The following ERMN variants were observed in gnomAD, a reference collection of about 807,000 sequenced individuals.
ERMN encodes ermin, also known as ermin, ERM-like protein.
Under a neutral mutation model 21.4 loss-of-function variants are expected in ERMN, and 17 were observed. That is an observed-to-expected ratio of 0.80 (90% confidence interval 0.54 to 1.19). The LOEUF is 1.19. ERMN is among the 50% of genes most tolerant of loss of function. The pLI is 0.00. For missense variants in ERMN, 348 were observed against 331.6 expected (o/e 1.05, Z -0.38); for synonymous variants, 115 against 111.9 (o/e 1.03, Z -0.17).
At position 157,324,537 on chromosome 2, in the gene ERMN, C is replaced by T. The variant is rs1206427529; in HGVS notation, c.334+133G>A. On this transcript the variant is annotated intron_variant, in intron 2 of 2. Transcript: ENST00000410096. The stretch of plus-strand genomic sequence containing the variant: ...AAGTTAAGACTCTCTTATCTGCCTA[C>T]AGCAGCTTTGAAAATTTGAAGTCAT... 46 of 695,190 alleles carry T rather than the reference C, an allele frequency of 6.6e-5. No individual in the cohort carries two copies. In the South Asian group the frequency reaches 7.4e-4, roughly 11 times the overall value. The allele number at this position is 695,190 out of a possible 1,614,324, so 43.1% of individuals were successfully genotyped here. A position where few individuals can be genotyped will look rare whatever the true frequency, so the allele number is the denominator to read the frequency against.
At chr2:157,321,930 A>C (rs375437490) in intron 2 of ERMN, 139 bp from the exon 3 acceptor site, 1 of 774,944 alleles carries the variant, frequency 1.3e-6, no homozygotes, top group African/African-American at 1.7e-5. Flanking sequence ...GTGGGTTACC[A>C]ATATGTTTTG....
chr2:157,322,745 T>G (rs1683944946), intron 2 of ERMN, among the ~76,000 whole-genome samples: 1 of 152,234 alleles, frequency 6.6e-6, no homozygotes, highest in Admixed American at 6.5e-5. Context: ...GAGATAGAAG[T>G]AAAGATGGGT....
chr2:157,326,523 C>G (rs1360332176), upstream of ERMN, among the ~76,000 whole-genome samples: 1 of 152,208 alleles, frequency 6.6e-6, no homozygotes, highest in Non-Finnish European at 1.5e-5. Context: ...GAATTACAAT[C>G]CTTTCTATTC....
chr2:157,324,100 AC>A, intron 2 of ERMN: 1 of 201,944 alleles, frequency 5.0e-6, no homozygotes, highest in South Asian at 5.7e-5. Context: ...AAATACACAC[AC>A]ACACACACAC....
chr2:157,327,238 T>A, upstream of ERMN: 1 of 453,980 alleles, frequency 2.2e-6, no homozygotes. Context: ...GCTGAGCCCA[T>A]TCAGGTCTAT....
chr2:157,325,289 AAAGGGCT>A (rs1426802200), intron 1 of ERMN, 106 bp downstream of exon 1: 2 of 1,380,190 alleles, frequency 1.4e-6, no homozygotes, highest in Non-Finnish European at 2.0e-6. Flanking sequence ...GTAGTAGAAT[AAAGGGCT>A]ACATTTTTGG....
At chr2:157,322,268 AC>A (rs1324111314) in intron 2 of ERMN, among the ~76,000 whole-genome samples, 5 of 151,700 alleles carry the variant, frequency 3.3e-5, no homozygotes, top group African/African-American at 1.2e-4. Context: ...ACACACACAC[AC>A]ACACCTCAAG....
chr2:157,322,756 G>A (rs1683945315), intron 2 of ERMN, among the ~76,000 whole-genome samples: 1 of 152,192 alleles, frequency 6.6e-6, no homozygotes, highest in Admixed American at 6.5e-5. Flanking sequence ...AAAGATGGGT[G>A]ATCACCCTAA....
chr2:157,324,451 C>T (rs1385036849), intron 2 of ERMN, among the ~76,000 whole-genome samples: 1 of 152,164 alleles, frequency 6.6e-6, no homozygotes, highest in Non-Finnish European at 1.5e-5. Context: ...TCAGCTATGC[C>T]ATTCCATGCA....
At chr2:157,323,551 T>C (rs1288813082) in intron 2 of ERMN, among the ~76,000 whole-genome samples, 1 of 152,220 alleles carries the variant, frequency 6.6e-6, no homozygotes, top group African/African-American at 2.4e-5. Context: ...TTTTATGTGA[T>C]GTTCTAATAT....
intron 1 of ERMN, 97 bp from the exon 2 acceptor site, chr2:157,324,859 A>C (rs1684020755): frequency 1.3e-6 from 1 of 778,928 alleles, no homozygotes; most frequent in Non-Finnish European, 2.0e-6. Flanking sequence ...AGAAGTCTTT[A>C]ATTTTAAATC....
chr2:157,325,334 T>G, intron 1 of ERMN, 68 bp downstream of exon 1: 1 of 1,602,802 alleles, frequency 6.2e-7, no homozygotes, highest in Non-Finnish European at 8.5e-7. Flanking sequence ...GATAATAGTT[T>G]ATCAAAAAAA....
intron 2 of ERMN, 104 bp from the exon 3 acceptor site, chr2:157,321,895 C>T (rs1390020901): frequency 2.0e-6 from 2 of 1,002,076 alleles, no homozygotes; most frequent in South Asian, 1.7e-5. Flanking sequence ...CACTTCCCAA[C>T]ACATGTTTTA....
Position 157,325,302 on chromosome 2 carries a change from T to A in ERMN, c.241+100A>T. 2.0e-6 allele frequency: 3 copies of A among 1,492,240 alleles called. No homozygotes were observed. The South Asian group carries it at 3.5e-5, about 17-fold the overall frequency. The allele number at this position is 1,492,240 out of a possible 1,614,324, so 92.4% of individuals were successfully genotyped here. A position where few individuals can be genotyped will look rare whatever the true frequency, so the allele number is the denominator to read the frequency against. On this transcript the variant is annotated intron_variant, in intron 1 of 2. Coordinates refer to ENST00000410096, the MANE Select transcript of ERMN (RefSeq NM_020711.3). Reference sequence around the variant, plus strand: ...GCGTAGTAGAATAAAGGGCTACATTTTTGGGGTGTCCAGCTCATTTCGATA... The same window carrying A: ...GCGTAGTAGAATAAAGGGCTACATTATTGGGGTGTCCAGCTCATTTCGATA...
rs1487921242 is a variant in ERMN at position 157,320,035 on chromosome 2, CTT to C, written c.*1234_*1235del. 2 of 152,108 alleles carry C rather than the reference CTT, an allele frequency of 1.3e-5. No individual in the cohort carries two copies. The highest frequency in any genetic ancestry group is 1.5e-5 in the Non-Finnish European group (1 of 67,992). The allele number at this position is 152,108 out of a possible 1,614,324, so 9.4% of individuals were successfully genotyped here. ...TTTTATTTGCAGGGCAAAACAAAATCTTTATCTGTGGTGATAGAAAGTTCAGG... is the reference window on the plus strand; with the variant it reads ...TTTTATTTGCAGGGCAAAACAAAATCTATCTGTGGTGATAGAAAGTTCAGG... On this transcript the variant is annotated 3_prime_UTR_variant, in exon 3 of 3. Coordinates refer to ENST00000410096, the MANE Select transcript of ERMN (RefSeq NM_020711.3).
intron 2 of ERMN, chr2:157,324,120 A>ACACACACAC: frequency 1.2e-5 from 3 of 255,426 alleles, no homozygotes; most frequent in African/African-American, 2.4e-5. Flanking sequence ...ACACACACAC[A>ACACACACAC]AAATAGCTGG....
Position 157,320,854 on chromosome 2 carries a change from C to A in ERMN, c.*417G>T, listed in dbSNP as rs919768878. ...AAGTAAGAGAGGTTTTAATACCAGA[C>A]TTTCCATCACTCCAATGTACAGGAA... On this transcript the variant is annotated 3_prime_UTR_variant, in exon 3 of 3. Transcript: ENST00000410096. The A allele has an allele frequency of 3.2e-5, 5 of 156,934 alleles. No homozygotes were observed. The highest frequency in any genetic ancestry group is 1.2e-4 in the African/African-American group (5 of 41,562). 9.7% of individuals were successfully genotyped at this position (156,934 alleles called of 1,614,324 possible).
At chr2:157,327,333 G>A (rs188514584), upstream of ERMN, 11 of 638,506 alleles carry the variant, frequency 1.7e-5, no homozygotes, top group South Asian at 1.6e-4. Flanking sequence ...TCTCCCTCCC[G>A]CGTCATCACC....
At chr2:157,324,196 C>T (rs1683993610) in intron 2 of ERMN, 2 of 253,688 alleles carry the variant, frequency 7.9e-6, no homozygotes, top group Non-Finnish European at 1.6e-5. Flanking sequence ...CGCTTGAACC[C>T]TGGAGACAGA....
Sources: gnomAD v4.1 joint callset for allele counts (sites outside exome capture counted in the v4.1 genomes callset) on GRCh38, gnomAD v4.1.1 for gene constraint, MANE v1.5 for transcripts, NCBI Gene and HGNC (gene_info 2026-07-23, HGNC 2026-07-21) for gene names.